ERGIC1: variants seen among roughly 807,000 people sequenced by gnomAD.
ERGIC1 encodes the protein endoplasmic reticulum-Golgi intermediate compartment protein 1.
In ERGIC1, 19 loss-of-function variants were observed where a neutral mutation model predicts 38.3. That is an observed-to-expected ratio of 0.50 (90% confidence interval 0.35 to 0.73). The LOEUF (loss-of-function observed/expected upper bound fraction) is 0.73. Ranked by LOEUF, ERGIC1 falls within the 30% of genes least tolerant of loss-of-function variation. ERGIC1 has a pLI of 0.01. For missense variants in ERGIC1, 294 were observed against 389.2 expected (o/e 0.76, Z 2.06); for synonymous variants, 124 against 157.6 (o/e 0.79, Z 1.60).
intron 1 of ERGIC1, among the ~76,000 whole-genome samples, chr5:172,854,065 G>A (rs1761478698): frequency 6.6e-6 from 1 of 152,178 alleles, no homozygotes; most frequent in Admixed American, 6.5e-5. Context: ...AATCAGGGTT[G>A]CTCTACCCCC....
chr5:172,837,686 GGTT>G lies in ERGIC1; in HGVS notation c.20+3257_20+3259del, dbSNP rs1487538709. ...TCCACCCTTGAATCTGCCGTTCCTA[GGTT>G]GTTTTTGGGGTTAAGGAAGGAGGCA... On this transcript the variant is annotated intron_variant, in intron 1 of 9. Transcript: ENST00000393784. This position sits in a 1 kb window ranked among gnomAD's most constrained non-coding sequence, Gnocchi z 4.3. 1.3e-5 allele frequency among the ~76,000 whole-genome samples: 2 copies of G among 152,332 alleles called. No homozygotes were observed. The highest frequency in any genetic ancestry group is 2.1e-4 in the South Asian group (1 of 4,830).
chr5:172,947,915 TA>T, intron 9 of ERGIC1, among the ~76,000 whole-genome samples: 1 of 145,880 alleles, frequency 6.9e-6, no homozygotes, highest in Non-Finnish European at 1.5e-5. Flanking sequence ...TGTGTGTGGT[TA>T]TTTTTTATTT....
chr5:172,952,099 C>T lies in ERGIC1; in HGVS notation c.*1283C>T, dbSNP rs1764243662. 1 of 152,226 alleles carries T rather than the reference C, an allele frequency of 6.6e-6. No individual in the cohort carries two copies. Among genetic ancestry groups the T allele is most frequent in the Non-Finnish European group, 1.5e-5 (1 of 68,058 alleles). The allele number at this position is 152,226 out of a possible 1,614,324, so 9.4% of individuals were successfully genotyped here. A position where few individuals can be genotyped will look rare whatever the true frequency, so the allele number is the denominator to read the frequency against. Reference sequence around the variant, plus strand: ...GCAATGGTCCAGGCATTAATTCCACCCAGGGAATTTTAGCTATGCCCTCAT... The same window carrying T: ...GCAATGGTCCAGGCATTAATTCCACTCAGGGAATTTTAGCTATGCCCTCAT... On this transcript the variant is annotated 3_prime_UTR_variant, in exon 10 of 10. Transcript: ENST00000393784.
At chr5:172,906,097 C>G (rs1275651343) in intron 3 of ERGIC1, 2 of 456,116 alleles carry the variant, frequency 4.4e-6, no homozygotes. Context: ...ACCTCCTGGG[C>G]TCCTGTTTGC....
chr5:172,899,403 C>T (rs145673662), intron 3 of ERGIC1, among the ~76,000 whole-genome samples: 35 of 142,250 alleles, frequency 2.5e-4, no homozygotes, highest in Admixed American at 6.9e-4. Flanking sequence ...CTGCAAGCTC[C>T]GCCTCCCGAG....
intron 5 of ERGIC1, chr5:172,920,223 TG>T (rs1285434940): frequency 1.5e-6 from 1 of 680,310 alleles, no homozygotes; most frequent in Non-Finnish European, 2.7e-6. Context: ...ACTTTCCCTT[TG>T]AGGAACCGCC....
At chr5:172,891,674 A>G (rs1345751348) in intron 2 of ERGIC1, among the ~76,000 whole-genome samples, 1 of 152,104 alleles carries the variant, frequency 6.6e-6, no homozygotes, top group Non-Finnish European at 1.5e-5. Context: ...TCCTGACCTC[A>G]AGTGATCCGC....
chr5:172,865,811 T>C lies in ERGIC1; in HGVS notation c.21-22888T>C, dbSNP rs1473487032. ...AGTGCTTCATTCTTTTTTATTGTTA[T>C]AGTACCTGATTGGGGTACTTTTGAG... On this transcript the variant is annotated intron_variant, in intron 1 of 9. Coordinates refer to ENST00000393784, the MANE Select transcript of ERGIC1 (RefSeq NM_001031711.3). Among the ~76,000 whole-genome samples the C allele has an allele frequency of 3.3e-5, 5 of 152,244 alleles. No homozygotes were observed. In the East Asian group the frequency reaches 5.8e-4, roughly 18 times the overall value.
chr5:172,907,418 C>T (rs1476496009), intron 3 of ERGIC1, among the ~76,000 whole-genome samples: 1 of 152,178 alleles, frequency 6.6e-6, no homozygotes, highest in Non-Finnish European at 1.5e-5. Context: ...ATTAGCCAGG[C>T]ATGGTGGCGC....
At chr5:172,892,070 T>G (rs1390202001) in intron 2 of ERGIC1, among the ~76,000 whole-genome samples, 2 of 147,742 alleles carry the variant, frequency 1.4e-5, no homozygotes, top group African/African-American at 2.5e-5. Context: ...ATGTTTTTTT[T>G]TTTTTTTTTT....
chr5:172,853,177 A>C (rs1021388934), intron 1 of ERGIC1, among the ~76,000 whole-genome samples: 1 of 152,232 alleles, frequency 6.6e-6, no homozygotes, highest in Non-Finnish European at 1.5e-5. Flanking sequence ...GGTATTGCGC[A>C]GGATGCCATG....
intron 9 of ERGIC1, chr5:172,935,540 A>G: frequency 5.9e-6 from 3 of 511,816 alleles, no homozygotes; most frequent in Non-Finnish European, 7.0e-6. Flanking sequence ...CCAGAGGGGA[A>G]TGCCCTGAAA....
At chr5:172,889,592 G>T (rs1762509018) in intron 2 of ERGIC1, among the ~76,000 whole-genome samples, 1 of 152,118 alleles carries the variant, frequency 6.6e-6, no homozygotes, top group Non-Finnish European at 1.5e-5. Flanking sequence ...AGCAGTTTGA[G>T]TAATAAAATA....
At chr5:172,919,793 C>T (rs1763463045) in intron 5 of ERGIC1, among the ~76,000 whole-genome samples, 1 of 152,208 alleles carries the variant, frequency 6.6e-6, no homozygotes, top group Non-Finnish European at 1.5e-5. Flanking sequence ...ACAAGTGCGC[C>T]TGTGGAAGGC....
intron 1 of ERGIC1, among the ~76,000 whole-genome samples, chr5:172,864,002 C>T (rs959424050): frequency 9.2e-5 from 14 of 152,210 alleles, no homozygotes; most frequent in Admixed American, 1.3e-4. Context: ...TTGAGACTAG[C>T]GTGACCAACA....
chr5:172,913,506 T>A (rs1480666451), intron 4 of ERGIC1, among the ~76,000 whole-genome samples: 1 of 152,234 alleles, frequency 6.6e-6, no homozygotes, highest in Non-Finnish European at 1.5e-5. Flanking sequence ...CACGTTCCCT[T>A]CTATGGCTGG....
At chr5:172,948,796 C>T (rs10060067) in intron 9 of ERGIC1, among the ~76,000 whole-genome samples, 66,647 of 152,098 alleles carry the variant, frequency 0.44, 16,284 homozygotes, top group East Asian at 0.82. Context: ...TGCCTGTAAT[C>T]CTAGCACTTT....
intron 1 of ERGIC1, among the ~76,000 whole-genome samples, chr5:172,869,189 C>G (rs1761943251): frequency 1.3e-5 from 2 of 152,232 alleles, no homozygotes; most frequent in Non-Finnish European, 2.9e-5. Context: ...AGATCTTCCC[C>G]CCTGGGGAGG....
intron 5 of ERGIC1, chr5:172,915,426 A>G (rs1159968410): frequency 9.8e-6 from 4 of 406,602 alleles, no homozygotes; most frequent in Non-Finnish European, 2.0e-5. Flanking sequence ...AGTGATGAGG[A>G]ATAAAGCCAA....
Sources: allele counts gnomAD v4.1 joint callset (sites outside exome capture counted in the v4.1 genomes callset), GRCh38; gene constraint gnomAD v4.1.1; non-coding constraint Gnocchi (gnomAD v3.1); transcripts MANE v1.5; gene names NCBI Gene and HGNC (gene_info 2026-07-23, HGNC 2026-07-21).